The following GPD2 variants were observed in gnomAD, a reference collection of about 807,000 sequenced individuals.
The protein encoded by GPD2 is glycerol-3-phosphate dehydrogenase 2.
A neutral mutation model predicts 82.4 loss-of-function variants in GPD2; 54 were observed. That is an observed-to-expected ratio of 0.66 (90% confidence interval 0.53 to 0.82). The LOEUF is 0.82. Ranked by LOEUF, GPD2 falls within the 40% of genes least tolerant of loss-of-function variation. The probability of loss-of-function intolerance (pLI) is 0.00; values close to 1 mark genes in which losing one functional copy is unlikely to be tolerated. For synonymous variants in GPD2, 288 were observed against 306.1 expected (o/e 0.94, Z 0.62); for missense variants, 748 against 896.2 (o/e 0.83, Z 2.11).
intron 1 of GPD2, among the ~76,000 whole-genome samples, chr2:156,444,720 T>C (rs200816796): frequency 4.7e-4 from 71 of 150,196 alleles, no homozygotes; most frequent in Non-Finnish European, 3.3e-4. Flanking sequence ...CAAAAACAAA[T>C]ACACACACAC....
intron 1 of GPD2, among the ~76,000 whole-genome samples, chr2:156,470,306 C>G (rs957946511): frequency 4.0e-5 from 6 of 151,862 alleles, no homozygotes; most frequent in African/African-American, 1.5e-4. Context: ...ATGATTCCTC[C>G]CACTTTGGCC....
At chr2:156,401,962 G>A in the GPD2 span, among the ~76,000 whole-genome samples, 3 of 152,116 alleles carry the variant, frequency 2.0e-5, no homozygotes, top group Non-Finnish European at 2.9e-5. Flanking sequence ...CTCTGGGAGG[G>A]AAATACCTAA....
the GPD2 span, among the ~76,000 whole-genome samples, chr2:156,410,167 C>A: frequency 6.6e-6 from 1 of 152,202 alleles, no homozygotes; most frequent in African/African-American, 2.4e-5. Context: ...GTGTGTGACA[C>A]CATAACAAAG....
chr2:156,489,903 T>A (rs1427569803), intron 2 of GPD2, among the ~76,000 whole-genome samples: 1 of 126,868 alleles, frequency 7.9e-6, no homozygotes, highest in Admixed American at 8.2e-5. Context: ...CTTCCTTCAC[T>A]ACCCTCCTTC....
At chr2:156,520,244 TGGGAAAACA>T (rs1156696668) in intron 6 of GPD2, among the ~76,000 whole-genome samples, 1 of 152,102 alleles carries the variant, frequency 6.6e-6, no homozygotes, top group African/African-American at 2.4e-5. Context: ...AACATTCGGG[TGGGAAAACA>T]GGGATATGAA....
intron 1 of GPD2, among the ~76,000 whole-genome samples, chr2:156,469,514 C>T (rs779835560): frequency 6.6e-6 from 1 of 152,086 alleles, no homozygotes; most frequent in Non-Finnish European, 1.5e-5. Context: ...TGTATATGTA[C>T]CACATTTTTG....
chr2:156,421,151 C>T, the GPD2 span, among the ~76,000 whole-genome samples: 1 of 152,146 alleles, frequency 6.6e-6, no homozygotes, highest in African/African-American at 2.4e-5. Context: ...ACAGGAACCA[C>T]CCTTTGAGTA....
intron 6 of GPD2, among the ~76,000 whole-genome samples, chr2:156,531,440 T>G (rs563992362): frequency 8.5e-5 from 13 of 152,364 alleles, no homozygotes; most frequent in African/African-American, 2.9e-4. Context: ...GGGTATTTTC[T>G]GCACATCAGC....
chr2:156,503,532 A>G (rs1032323188), intron 3 of GPD2, among the ~76,000 whole-genome samples: 1 of 152,180 alleles, frequency 6.6e-6, no homozygotes, highest in African/African-American at 2.4e-5. Context: ...ATTTATAACA[A>G]TATTTATAAT....
chr2:156,460,157 A>G (rs149325654), intron 1 of GPD2, among the ~76,000 whole-genome samples: 5 of 152,334 alleles, frequency 3.3e-5, no homozygotes, highest in Non-Finnish European at 7.3e-5. Context: ...TTCAAAATTT[A>G]TGGTTGAAGA....
intron 1 of GPD2, among the ~76,000 whole-genome samples, chr2:156,451,204 C>T (rs866011010): frequency 3.3e-5 from 5 of 152,068 alleles, no homozygotes; most frequent in Admixed American, 6.5e-5. Context: ...GGGTGGTGGC[C>T]GGGCAGAGGG....
chr2:156,564,602 C>G (rs1462639961), intron 9 of GPD2, among the ~76,000 whole-genome samples: 1 of 152,044 alleles, frequency 6.6e-6, no homozygotes. Context: ...GCTCTTAATA[C>G]TTCAGTGGCA....
intron 7 of GPD2, 107 bp downstream of exon 7, chr2:156,549,879 C>T (rs1356898665): frequency 2.3e-6 from 2 of 856,744 alleles, no homozygotes; most frequent in Non-Finnish European, 3.9e-6. Flanking sequence ...TGCCACGCTT[C>T]AGAGTCATAT....
intron 6 of GPD2, among the ~76,000 whole-genome samples, chr2:156,534,078 G>A (rs1685968951): frequency 1.3e-5 from 2 of 152,214 alleles, no homozygotes; most frequent in Non-Finnish European, 2.9e-5. Context: ...TGGTAAATGC[G>A]GGGTGTCTTA....
rs1160082120 is a variant in GPD2, at chr2:156,568,942, G to A, written c.1283G>A (p.Gly428Asp). 6.2e-7 allele frequency: 1 copy of A among 1,609,380 alleles called. No individual in the cohort carries two copies. The highest frequency in any genetic ancestry group is 1.3e-5 in the African/African-American group (1 of 74,668). ...RNHVVDISES[G>D]LITIAGGKWT... ...CATGTTGTTGATATCAGTGAGAGTG[G>A]CCTTATTACTATAGCAGGTATGAGA... Residue 428 changes from glycine to aspartate, a missense_variant, in exon 10 of 17, where the codon GGC becomes GAC. This residue lies in a region of GPD2 where 692 missense variants were observed against 809.7 expected (regional missense o/e 0.85). Transcript: ENST00000438166.
intron 7 of GPD2, among the ~76,000 whole-genome samples, chr2:156,550,013 C>T (rs535565111): frequency 6.6e-6 from 1 of 152,132 alleles, no homozygotes; most frequent in Non-Finnish European, 1.5e-5. Context: ...AAAATGCCCA[C>T]CAAATTCCCA....
chr2:156,426,027 A>G, the GPD2 span, among the ~76,000 whole-genome samples: 2,018 of 148,942 alleles, frequency 0.014, 44 homozygotes, highest in African/African-American at 0.045. Context: ...GGTTCACGCC[A>G]TTCTCCTGCC....
intron 1 of GPD2, among the ~76,000 whole-genome samples, chr2:156,448,119 CT>C (rs34771172): frequency 1.6e-3 from 238 of 145,792 alleles, no homozygotes; most frequent in Middle Eastern, 3.6e-3. Flanking sequence ...GCAATTTTCC[CT>C]TTTTTTTTTT....
At chr2:156,553,770 A>G (rs1405452498) in intron 8 of GPD2, among the ~76,000 whole-genome samples, 1 of 152,210 alleles carries the variant, frequency 6.6e-6, no homozygotes, top group African/African-American at 2.4e-5. Context: ...ACTTAGTAAC[A>G]GAGTAGATTT....
Sources: allele counts gnomAD v4.1 joint callset (sites outside exome capture counted in the v4.1 genomes callset), GRCh38; gene constraint gnomAD v4.1.1; regional missense constraint gnomAD v4.1.1; transcripts MANE v1.5; gene names NCBI Gene and HGNC (gene_info 2026-07-23, HGNC 2026-07-21).